HPSE2: variants seen among roughly 807,000 people sequenced by gnomAD.
HPSE2 encodes inactive heparanase-2.
A neutral mutation model predicts 60.5 loss-of-function variants in HPSE2; 38 were observed. The ratio of observed to expected loss-of-function variants is 0.63; its 90% CI spans 0.48 to 0.82. The LOEUF (loss-of-function observed/expected upper bound fraction) is 0.82. Among genes scored for constraint, HPSE2 ranks in the 40% least tolerant of loss-of-function variants. The probability of loss-of-function intolerance (pLI) is 0.00; values close to 1 mark genes in which losing one functional copy is unlikely to be tolerated. For missense variants in HPSE2, 713 were observed against 740.4 expected (o/e 0.96, Z 0.43); for synonymous variants, 295 against 293.2 (o/e 1.01, Z -0.06).
intron 9 of HPSE2, among the ~76,000 whole-genome samples, chr10:98,565,995 T>G (rs1283465330): frequency 2.0e-5 from 3 of 152,144 alleles, no homozygotes; most frequent in African/African-American, 7.2e-5. Context: ...TTAGCCAACA[T>G]GCTCCCCTCC....
At chr10:98,821,959 A>G (rs1420853451) in intron 3 of HPSE2, among the ~76,000 whole-genome samples, 1 of 152,130 alleles carries the variant, frequency 6.6e-6, no homozygotes, top group Non-Finnish European at 1.5e-5. Context: ...AGTCTTGGGC[A>G]TCATATAAAA....
In HPSE2 at chr10:98,966,876, A is replaced by T. The variant is rs558422142; in HGVS notation, c.610+177362T>A. 2.6e-5 allele frequency among the ~76,000 whole-genome samples: 4 copies of T among 152,352 alleles called. No homozygotes were observed. In the South Asian group the frequency reaches 8.3e-4, roughly 32 times the overall value. On this transcript the variant is annotated intron_variant, in intron 3 of 11. Coordinates refer to ENST00000370552, the MANE Select transcript of HPSE2 (RefSeq NM_021828.5). ...CATTACACATTTTATGCATATAACAAAACTTCACATGTACTCCATAAATAT... is the reference window on the plus strand; with the variant it reads ...CATTACACATTTTATGCATATAACATAACTTCACATGTACTCCATAAATAT...
At chr10:98,874,739 C>T (rs899441148) in intron 3 of HPSE2, among the ~76,000 whole-genome samples, 1 of 152,008 alleles carries the variant, frequency 6.6e-6, no homozygotes, top group Non-Finnish European at 1.5e-5. Flanking sequence ...GTGATACTGG[C>T]TGTGGGTTTG....
intron 3 of HPSE2, among the ~76,000 whole-genome samples, chr10:98,864,247 A>G (rs1365270931): frequency 6.6e-6 from 1 of 152,148 alleles, no homozygotes; most frequent in Non-Finnish European, 1.5e-5. Flanking sequence ...ACGTTTTTAA[A>G]TTATCATCTC....
At chr10:98,845,912 G>T (rs1263729559) in intron 3 of HPSE2, among the ~76,000 whole-genome samples, 2 of 152,218 alleles carry the variant, frequency 1.3e-5, no homozygotes, top group Non-Finnish European at 2.9e-5. Flanking sequence ...TTAATTACCA[G>T]TAGTGGTGTC....
intron 3 of HPSE2, among the ~76,000 whole-genome samples, chr10:99,087,117 G>T (rs900410434): frequency 2.0e-5 from 3 of 152,184 alleles, no homozygotes; most frequent in Non-Finnish European, 4.4e-5. Context: ...CATACAGCAG[G>T]CAACAAATGA....
chr10:98,508,060 TAAA>T (rs1475154695), intron 9 of HPSE2, among the ~76,000 whole-genome samples: 3 of 152,106 alleles, frequency 2.0e-5, no homozygotes, highest in Non-Finnish European at 4.4e-5. Flanking sequence ...CAATGTTTTT[TAAA>T]TGTCTATAAT....
intron 9 of HPSE2, among the ~76,000 whole-genome samples, chr10:98,544,282 T>C (rs1043445644): frequency 1.6e-4 from 25 of 152,122 alleles, no homozygotes; most frequent in African/African-American, 5.5e-4. Flanking sequence ...TTGAAACCAA[T>C]GAGAACAAAG....
chr10:99,193,998 G>C (rs909382346), intron 2 of HPSE2, among the ~76,000 whole-genome samples: 1 of 151,796 alleles, frequency 6.6e-6, no homozygotes, highest in Non-Finnish European at 1.5e-5. Context: ...TCGGTACATA[G>C]GTCATTCCCA....
At chr10:99,234,511 A>G (rs984056458) in intron 1 of HPSE2, among the ~76,000 whole-genome samples, 3 of 152,206 alleles carry the variant, frequency 2.0e-5, no homozygotes, top group Non-Finnish European at 2.9e-5. Flanking sequence ...GGAATTTTTA[A>G]AAACTCAACA....
chr10:99,201,930 A>G (rs181767282), intron 2 of HPSE2, among the ~76,000 whole-genome samples: 6 of 152,298 alleles, frequency 3.9e-5, no homozygotes, highest in Admixed American at 2.6e-4. Flanking sequence ...GTAACTCATT[A>G]GCCCACCACA....
intron 2 of HPSE2, among the ~76,000 whole-genome samples, chr10:99,156,552 C>A (rs1359506408): frequency 1.3e-3 from 173 of 130,656 alleles, no homozygotes; most frequent in African/African-American, 4.3e-3. Context: ...ATTCAACAAC[C>A]CTTCATGCTA....
At chr10:98,515,277 G>A (rs1345817534) in intron 9 of HPSE2, among the ~76,000 whole-genome samples, 2 of 152,092 alleles carry the variant, frequency 1.3e-5, no homozygotes, top group Non-Finnish European at 2.9e-5. Context: ...TTTCAAGCCG[G>A]CTGCTTTACC....
In HPSE2 at chr10:98,827,331, G is replaced by C. The variant is rs142042861; in HGVS notation, c.611-83275C>G. Among the ~76,000 whole-genome samples, 355 of 151,174 alleles carry C rather than the reference G, an allele frequency of 2.3e-3. 1 individual carries two copies. The highest frequency in any genetic ancestry group is 6.9e-3 in the African/African-American group (285 of 41,444). On this transcript the variant is annotated intron_variant, in intron 3 of 11. Transcript: ENST00000370552. ...AGCCATTCTTCTGCCTCAGCCTCCCGAGTAGCTGGGACTACAGGCATGCAC... is the reference window on the plus strand; with the variant it reads ...AGCCATTCTTCTGCCTCAGCCTCCCCAGTAGCTGGGACTACAGGCATGCAC...
At chr10:99,085,378 G>T (rs1468928781) in intron 3 of HPSE2, among the ~76,000 whole-genome samples, 1 of 152,184 alleles carries the variant, frequency 6.6e-6, no homozygotes, top group Admixed American at 6.5e-5. Flanking sequence ...CCACGATGGG[G>T]CTAGCTGCAT....
chr10:98,606,056 CTTGT>C (rs1167757595), intron 9 of HPSE2, among the ~76,000 whole-genome samples: 2 of 152,172 alleles, frequency 1.3e-5, no homozygotes, highest in African/African-American at 4.8e-5. Context: ...TGTTAGTTTA[CTTGT>C]TTATTTTTAG....
chr10:99,249,495 G>A, the HPSE2 span, among the ~76,000 whole-genome samples: 6 of 152,182 alleles, frequency 3.9e-5, no homozygotes, highest in Non-Finnish European at 8.8e-5. Context: ...ATTGTATACT[G>A]GAAGTAACTA....
rs915379248 is a variant in HPSE2 at position 98,458,439 on chromosome 10, C to G, written c.*1135G>C. On this transcript the variant is annotated 3_prime_UTR_variant, in exon 12 of 12. Coordinates refer to ENST00000370552, the MANE Select transcript of HPSE2 (RefSeq NM_021828.5). The stretch of plus-strand genomic sequence containing the variant: ...CTACCTACCATTCCATAGTTTTGGC[C>G]AGATCTTCATTCTCTAGATTCCCTA... The G allele has an allele frequency of 6.6e-6, 1 of 152,198 alleles. No homozygotes were observed. Among genetic ancestry groups the G allele is most frequent in the Non-Finnish European group, 1.5e-5 (1 of 68,040 alleles). 9.4% of individuals were successfully genotyped at this position (152,198 alleles called of 1,614,324 possible). A position where few individuals can be genotyped will look rare whatever the true frequency, so the allele number is the denominator to read the frequency against.
At chr10:99,255,647 CA>C in the HPSE2 span, among the ~76,000 whole-genome samples, 1 of 151,936 alleles carries the variant, frequency 6.6e-6, no homozygotes, top group African/African-American at 2.4e-5. Context: ...ATCCATTCCT[CA>C]TAAAAACTCT....
Sources: gnomAD v4.1 joint callset for allele counts (sites outside exome capture counted in the v4.1 genomes callset) on GRCh38, gnomAD v4.1.1 for gene constraint, MANE v1.5 for transcripts, NCBI Gene and HGNC (gene_info 2026-07-23, HGNC 2026-07-21) for gene names.